The following TNKS variants were observed in gnomAD, a reference collection of about 807,000 sequenced individuals.
TNKS encodes the protein poly [ADP-ribose] polymerase tankyrase-1.
In TNKS, 72 loss-of-function variants were observed where a neutral mutation model predicts 135.8. The ratio of observed to expected loss-of-function variants is 0.53; its 90% CI spans 0.44 to 0.64. The LOEUF is 0.64. TNKS is among the 30% of genes least tolerant of loss of function. The pLI is 0.00. For synonymous variants in TNKS, 849 were observed against 649.3 expected, an observed-to-expected ratio of 1.31 and a Z score of -4.68; for missense variants, 1,769 against 1,674.0, an observed-to-expected ratio of 1.06 and a Z score of -0.99.
At chr8:9,693,269 C>G (rs2128802489) in intron 5 of TNKS, among the ~76,000 whole-genome samples, 1 of 152,038 alleles carries the variant, frequency 6.6e-6, no homozygotes, top group Middle Eastern at 3.4e-3. Context: ...CAGATATGTA[C>G]TAATATTAAG....
At chr8:9,645,202 C>T (rs1056863548) in intron 3 of TNKS, among the ~76,000 whole-genome samples, 1 of 149,142 alleles carries the variant, frequency 6.7e-6, no homozygotes, top group Non-Finnish European at 1.5e-5. Flanking sequence ...CTAAGGAGGA[C>T]AAGGGTGGGG....
chr8:9,561,619 T>C (rs1361785114), intron 1 of TNKS, among the ~76,000 whole-genome samples: 1 of 152,230 alleles, frequency 6.6e-6, no homozygotes, highest in African/African-American at 2.4e-5. Context: ...ACCCTTAAGC[T>C]GATTCCTGTT....
chr8:9,767,721 A>T (rs906688153), intron 25 of TNKS, among the ~76,000 whole-genome samples: 1 of 152,064 alleles, frequency 6.6e-6, no homozygotes, highest in Non-Finnish European at 1.5e-5. Context: ...GCACTTTGGG[A>T]GGCCGAGGCG....
At chr8:9,696,400 G>A (rs560027097) in intron 5 of TNKS, among the ~76,000 whole-genome samples, 4 of 152,172 alleles carry the variant, frequency 2.6e-5, no homozygotes, top group African/African-American at 7.2e-5. Context: ...GATAAGGACT[G>A]ATAAATGACC....
At chr8:9,633,393 G>T (rs537385039) in intron 3 of TNKS, among the ~76,000 whole-genome samples, 1 of 152,320 alleles carries the variant, frequency 6.6e-6, no homozygotes. Flanking sequence ...GTACAATAGT[G>T]AAGTTCTCTA....
At chr8:9,578,533 T>C (rs528571257) in intron 1 of TNKS, among the ~76,000 whole-genome samples, 4 of 152,236 alleles carry the variant, frequency 2.6e-5, no homozygotes, top group South Asian at 4.1e-4. Context: ...GTAATACATA[T>C]CTGTGGAAAT....
At chr8:9,583,934 A>G (rs1237064279) in intron 2 of TNKS, among the ~76,000 whole-genome samples, 14 of 151,420 alleles carry the variant, frequency 9.2e-5, no homozygotes. Flanking sequence ...GGAGGCCGAG[A>G]TGGGTGGATC....
intron 2 of TNKS, among the ~76,000 whole-genome samples, chr8:9,597,007 T>G (rs760582426): frequency 6.6e-6 from 1 of 152,246 alleles, no homozygotes; most frequent in Non-Finnish European, 1.5e-5. Flanking sequence ...AGGACAAATA[T>G]GTAGATATGC....
intron 12 of TNKS, among the ~76,000 whole-genome samples, chr8:9,722,060 A>C (rs1288375455): frequency 3.0e-5 from 2 of 67,684 alleles, no homozygotes; most frequent in East Asian, 8.5e-4. Flanking sequence ...CCATCTCAAC[A>C]AAAAAAAAAG....
chr8:9,561,971 C>T (rs1797349806), intron 1 of TNKS, among the ~76,000 whole-genome samples: 1 of 152,108 alleles, frequency 6.6e-6, no homozygotes, highest in African/African-American at 2.4e-5. Flanking sequence ...CGCCCACCAC[C>T]ACGCCCAGCT....
At chr8:9,742,524 T>C (rs1459519804) in intron 17 of TNKS, among the ~76,000 whole-genome samples, 1 of 151,732 alleles carries the variant, frequency 6.6e-6, no homozygotes, top group Non-Finnish European at 1.5e-5. Context: ...AACCAATCAG[T>C]AACCATATTA....
rs886744677 is a variant in TNKS, at chr8:9,672,989, T to A, written c.995-6962T>A. ...CGGCACACTTTGCAGAAAGTCCCAC[T>A]GGTTAACAGCTTCTAGAGGAACACC... On this transcript the variant is annotated intron_variant, in intron 3 of 26. Coordinates refer to ENST00000310430, the MANE Select transcript of TNKS (RefSeq NM_003747.3). Among the ~76,000 whole-genome samples the A allele has an allele frequency of 2.0e-5, 3 of 152,336 alleles. No homozygotes were observed. In the East Asian group the frequency reaches 5.8e-4, roughly 29 times the overall value.
intron 3 of TNKS, among the ~76,000 whole-genome samples, chr8:9,652,474 T>C (rs887318404): frequency 6.6e-6 from 1 of 152,214 alleles, no homozygotes; most frequent in African/African-American, 2.4e-5. Context: ...GGATTATAAC[T>C]TTCTAGGGAT....
intron 3 of TNKS, among the ~76,000 whole-genome samples, chr8:9,649,773 T>G (rs1252692742): frequency 6.6e-6 from 1 of 152,114 alleles, no homozygotes; most frequent in East Asian, 1.9e-4. Context: ...GGTCTCCAGT[T>G]CCATCCAAGT....
In TNKS at chr8:9,657,752, G is replaced by A. The variant is rs1217383053; in HGVS notation, c.995-22199G>A. Among the ~76,000 whole-genome samples the A allele has an allele frequency of 2.7e-3, 313 of 115,604 alleles. No individual in the cohort carries two copies. The Middle Eastern group carries it at 0.031, about 11-fold the overall frequency. The allele number at this position is 115,604 out of a possible 152,430, so 75.8% of individuals were successfully genotyped here. On this transcript the variant is annotated intron_variant, in intron 3 of 26. Coordinates refer to ENST00000310430, the MANE Select transcript of TNKS (RefSeq NM_003747.3). Reference sequence around the variant, plus strand: ...CGGGCAGAGGCGCCCCTCACCTCCCGGACGGGGCGGCTGGCCGGGCAGGGG... The same window carrying A: ...CGGGCAGAGGCGCCCCTCACCTCCCAGACGGGGCGGCTGGCCGGGCAGGGG...
Position 9,712,706 on chromosome 8 carries a change from C to G in TNKS, c.1749+2486C>G, listed in dbSNP as rs1380825107. Among the ~76,000 whole-genome samples, 3 of 151,768 alleles carry G rather than the reference C, an allele frequency of 2.0e-5. No individual in the cohort carries two copies. In the East Asian group the frequency reaches 5.9e-4, roughly 30 times the overall value. ...GGATTTTGAGATCAGCTGGGCAACA[C>G]AGGCCAACCCCGTCTCTACAAATAA... On this transcript the variant is annotated intron_variant, in intron 11 of 26. Transcript: ENST00000310430.
At chr8:9,562,814 C>G (rs773538223) in intron 1 of TNKS, among the ~76,000 whole-genome samples, 2 of 151,530 alleles carry the variant, frequency 1.3e-5, no homozygotes, top group Non-Finnish European at 2.9e-5. Context: ...CTTCCCTTAG[C>G]CTTTTTTTTT....
At chr8:9,707,252 TGAG>T (rs1804092396) in intron 8 of TNKS, among the ~76,000 whole-genome samples, 1 of 152,202 alleles carries the variant, frequency 6.6e-6, no homozygotes, top group Non-Finnish European at 1.5e-5. Context: ...TGAAGGCTAA[TGAG>T]GATGAGTCAA....
At chr8:9,730,458 G>C (rs558930549) in intron 13 of TNKS, among the ~76,000 whole-genome samples, 1 of 152,032 alleles carries the variant, frequency 6.6e-6, no homozygotes, top group Non-Finnish European at 1.5e-5. Context: ...CTTTTTGCTT[G>C]CTTGACTCAC....
Sources: gnomAD v4.1 joint callset for allele counts (sites outside exome capture counted in the v4.1 genomes callset) on GRCh38, gnomAD v4.1.1 for gene constraint, MANE v1.5 for transcripts, NCBI Gene and HGNC (gene_info 2026-07-23, HGNC 2026-07-21) for gene names.